OPHN1: variants seen among roughly 807,000 people sequenced by gnomAD.
OPHN1 encodes the protein oligophrenin 1.
OPHN1 carries 11 observed loss-of-function variants against 60.7 expected under a neutral mutation model. The ratio of observed to expected loss-of-function variants is 0.18; its 90% CI spans 0.11 to 0.30. OPHN1 has a LOEUF of 0.30. OPHN1 is among the 10% of genes least tolerant of loss of function. The probability of loss-of-function intolerance (pLI) is 1.00; values close to 1 mark genes in which losing one functional copy is unlikely to be tolerated. For synonymous variants in OPHN1, 226 were observed against 222.6 expected (o/e 1.02, Z -0.14); for missense variants, 449 against 611.0 (o/e 0.73, Z 2.80).
intron 20 of OPHN1, chrX:68,071,505 C>T: frequency 1.4e-6 from 1 of 718,052 alleles, no homozygotes; most frequent in South Asian, 2.1e-5. Flanking sequence ...CCTTGCCCAG[C>T]AGAGATTTGA....
At chrX:68,111,981 T>C in intron 17 of OPHN1, 22 bp from the exon 18 acceptor site, 1 of 1,108,585 alleles carries the variant, frequency 9.0e-7, no homozygotes, top group Non-Finnish European at 1.2e-6. Flanking sequence ...CAGTAAGAGA[T>C]AAATGGTTTG....
intron 16 of OPHN1, among the ~76,000 whole-genome samples, chrX:68,117,206 T>C (rs893891853): frequency 1.8e-5 from 2 of 111,193 alleles, no homozygotes; most frequent in African/African-American, 6.5e-5. Flanking sequence ...ATGTAGTTTG[T>C]TGAAGGGGCC....
chrX:68,148,882 T>A (rs1404179445), intron 15 of OPHN1, among the ~76,000 whole-genome samples: 3 of 111,372 alleles, frequency 2.7e-5, no homozygotes, highest in African/African-American at 9.8e-5. Flanking sequence ...AAAATATGAA[T>A]ACAAGACAGC....
At chrX:68,265,305 C>G (rs1276763395) in intron 5 of OPHN1, among the ~76,000 whole-genome samples, 1 of 111,882 alleles carries the variant, frequency 8.9e-6, no homozygotes, top group South Asian at 3.8e-4. Flanking sequence ...ACACCTCACA[C>G]AGCCAGGTAC....
chrX:68,379,896 G>A (rs2078585537), intron 2 of OPHN1, among the ~76,000 whole-genome samples: 1 of 108,839 alleles, frequency 9.2e-6, no homozygotes, highest in Non-Finnish European at 1.9e-5. Context: ...CTCTTTTTTG[G>A]TTGTGTCTCT....
intron 19 of OPHN1, among the ~76,000 whole-genome samples, chrX:68,079,035 A>T (rs2076964890): frequency 9.1e-6 from 1 of 109,953 alleles, no homozygotes; most frequent in African/African-American, 3.3e-5. Flanking sequence ...AAAGTAAACA[A>T]CTTCAACTTT....
chrX:68,229,626 G>C (rs1444249110), intron 6 of OPHN1, among the ~76,000 whole-genome samples: 2 of 111,692 alleles, frequency 1.8e-5, no homozygotes, highest in Non-Finnish European at 3.8e-5. Context: ...ACAACCATCT[G>C]ATCTTTGAGA....
intron 2 of OPHN1, among the ~76,000 whole-genome samples, chrX:68,416,077 G>T (rs1190145231): frequency 1.7e-3 from 25 of 14,727 alleles, no homozygotes; most frequent in African/African-American, 1.8e-3. Context: ...TAGAGAGAGA[G>T]AGAGAGAGAG....
In OPHN1 at chrX:68,073,180, G is replaced by C. The variant is rs1316326744; in HGVS notation, c.1806C>G (p.Phe602Leu). The change falls in exon 20 of 25, where the codon TTC (phenylalanine) becomes TTG (leucine). Residue 602 changes from phenylalanine (F) to leucine (L), a missense_variant. By Grantham distance (22) the Phe-to-Leu change is conservative. Around this residue, in one of 4 missense-constraint regions of OPHN1, gnomAD observed 166 missense variants for 278.4 expected, o/e 0.60. Transcript: ENST00000355520. Reference protein sequence around the residue: ...SKRLLRERTVFYTSSLDESED... With the variant: ...SKRLLRERTVLYTSSLDESED... ...CGCTTTCATCCAGGGAAGAAGTATA[G>C]AAAACCGTCCTTTCTCGCAGCAAGC... 1 of 1,209,110 alleles carries C rather than the reference G, an allele frequency of 8.3e-7. No individual in the cohort carries two copies. The highest frequency in any genetic ancestry group is 1.1e-6 in the Non-Finnish European group (1 of 894,688).
intron 15 of OPHN1, among the ~76,000 whole-genome samples, chrX:68,134,128 T>A (rs769186832): frequency 5.5e-5 from 6 of 110,045 alleles, no homozygotes; most frequent in South Asian, 7.9e-4. Flanking sequence ...TGAGCCAAGA[T>A]CGCGCCATTG....
At chrX:68,084,361 G>A (rs1194677158) in intron 19 of OPHN1, among the ~76,000 whole-genome samples, 1 of 80,135 alleles carries the variant, frequency 1.2e-5, no homozygotes, top group Admixed American at 1.4e-4. Flanking sequence ...AGGGAGGAAC[G>A]GGGGGAGAGG....
chrX:68,212,658 G>C (rs2077590038), intron 7 of OPHN1, among the ~76,000 whole-genome samples: 1 of 112,436 alleles, frequency 8.9e-6, no homozygotes, highest in South Asian at 3.7e-4. Context: ...GCTAAACGCA[G>C]TCAAACACAA....
chrX:68,429,174 C>A (rs1215789249), intron 2 of OPHN1, among the ~76,000 whole-genome samples: 2 of 110,959 alleles, frequency 1.8e-5, no homozygotes, highest in Non-Finnish European at 3.8e-5. Context: ...GTAATTCTTG[C>A]ACTTTGGGAG....
chrX:68,284,662 C>T (rs991414361), intron 3 of OPHN1, among the ~76,000 whole-genome samples: 1 of 111,260 alleles, frequency 9.0e-6, no homozygotes, highest in African/African-American at 3.3e-5. Context: ...TTTTCATCAC[C>T]CCCAAAAGAA....
chrX:68,432,821 A>G (rs770696385), intron 2 of OPHN1, 46 bp downstream of exon 2: 4 of 1,195,537 alleles, frequency 3.3e-6, no homozygotes, highest in Non-Finnish European at 4.5e-6. Context: ...CTTAAAGGCC[A>G]GACACACCAG....
chrX:68,197,171 T>A lies in OPHN1; in HGVS notation c.1104+15A>T, dbSNP rs746512293. 8.4e-6 allele frequency: 10 copies of A among 1,184,975 alleles called. No individual in the cohort carries two copies. The highest frequency in any genetic ancestry group is 1.0e-5 in the Non-Finnish European group (9 of 873,038). ...GCATATGCTGGGGAGGTTTCCCCAG[T>A]GTCAGGTAACTTACAGGTTCTTTCC... On this transcript the variant is annotated intron_variant, in intron 12 of 24. Transcript: ENST00000355520.
intron 2 of OPHN1, among the ~76,000 whole-genome samples, chrX:68,352,214 A>C (rs1444114458): frequency 9.1e-6 from 1 of 109,297 alleles, no homozygotes; most frequent in Admixed American, 9.9e-5. Flanking sequence ...AGAAGGTAAA[A>C]CCTTCTTAAG....
At chrX:68,396,219 G>A (rs1257978120) in intron 2 of OPHN1, among the ~76,000 whole-genome samples, 2 of 103,876 alleles carry the variant, frequency 1.9e-5, no homozygotes, top group African/African-American at 7.0e-5. Context: ...GACCACTTGA[G>A]CCCAGGAGTT....
At chrX:68,419,423 T>C (rs1374859476) in intron 2 of OPHN1, among the ~76,000 whole-genome samples, 3 of 110,940 alleles carry the variant, frequency 2.7e-5, no homozygotes, top group Non-Finnish European at 3.8e-5. Context: ...AAACTCAACA[T>C]TCACAGGTAA....
Sources: allele counts gnomAD v4.1 joint callset (sites outside exome capture counted in the v4.1 genomes callset), GRCh38; gene constraint gnomAD v4.1.1; regional missense constraint gnomAD v4.1.1; transcripts MANE v1.5; gene names NCBI Gene and HGNC (gene_info 2026-07-23, HGNC 2026-07-21).